The following CIMIP5 variants were observed in gnomAD, a reference collection of about 807,000 sequenced individuals.
The protein encoded by CIMIP5 is ciliary microtubule inner protein 5.
chr2:11,148,368 C>A, the CIMIP5 span, among the ~76,000 whole-genome samples: 1 of 152,128 alleles, frequency 6.6e-6, no homozygotes, highest in African/African-American at 2.4e-5. Context: ...CCACCTGCCT[C>A]GGCCTCCCAA....
the CIMIP5 span, chr2:11,143,783 T>A: frequency 1.4e-6 from 1 of 710,144 alleles, no homozygotes; most frequent in Middle Eastern, 3.5e-4. Flanking sequence ...TCTTGGGGGA[T>A]CCCAAGTCCA....
the CIMIP5 span, among the ~76,000 whole-genome samples, chr2:11,142,691 A>G: frequency 6.8e-6 from 1 of 147,564 alleles, no homozygotes; most frequent in Non-Finnish European, 1.5e-5. Flanking sequence ...GGAAGAGCTG[A>G]GGATGTTTTC....
chr2:11,140,402 T>G, the CIMIP5 span: 18 of 657,490 alleles, frequency 2.7e-5, no homozygotes, highest in Admixed American at 4.9e-4. Context: ...AAAAAAATTA[T>G]TTAGTTCTTC....
chr2:11,144,138 C>A, the CIMIP5 span: 1 of 1,534,532 alleles, frequency 6.5e-7, no homozygotes, highest in South Asian at 1.3e-5. Context: ...GCTGGCCTTC[C>A]CCAGGTGGGT....
At chr2:11,148,771 C>T in the CIMIP5 span, among the ~76,000 whole-genome samples, 1 of 125,786 alleles carries the variant, frequency 8.0e-6, no homozygotes. Context: ...GTCTCGCTCT[C>T]GTCCCCCAGG....
chr2:11,136,586 T>C, the CIMIP5 span, among the ~76,000 whole-genome samples: 10 of 152,274 alleles, frequency 6.6e-5, no homozygotes, highest in African/African-American at 1.9e-4. Flanking sequence ...GGATGAGGAC[T>C]GACTGCAAAT....
the CIMIP5 span, among the ~76,000 whole-genome samples, chr2:11,137,266 A>G: frequency 2.0e-5 from 3 of 152,100 alleles, no homozygotes; most frequent in Admixed American, 6.5e-5. Context: ...CCAGCTACTC[A>G]GGAGGCTGAC....
the CIMIP5 span, among the ~76,000 whole-genome samples, chr2:11,142,243 G>C: frequency 1.6e-5 from 2 of 128,008 alleles, no homozygotes; most frequent in Admixed American, 1.8e-4. Flanking sequence ...TCCAGCCTGG[G>C]CAACAAGAGC....
At chr2:11,146,395 A>G in the CIMIP5 span, 2 of 152,172 alleles carry the variant, frequency 1.3e-5, no homozygotes, top group African/African-American at 4.8e-5. Context: ...TTAATCCTCA[A>G]TGAATTGATT....
chr2:11,152,979 A>G, the CIMIP5 span, among the ~76,000 whole-genome samples: 1 of 152,162 alleles, frequency 6.6e-6, no homozygotes, highest in African/African-American at 2.4e-5. Flanking sequence ...TACGTTGAGC[A>G]CCTATTCTGT....
chr2:11,134,392 G>C, the CIMIP5 span, among the ~76,000 whole-genome samples: 1 of 152,166 alleles, frequency 6.6e-6, no homozygotes, highest in African/African-American at 2.4e-5. Context: ...GCATGATCTC[G>C]ATTACATTTT....
At chr2:11,137,192 G>A in the CIMIP5 span, among the ~76,000 whole-genome samples, 32 of 152,240 alleles carry the variant, frequency 2.1e-4, no homozygotes, top group African/African-American at 7.5e-4. Flanking sequence ...GGCCAACATG[G>A]TGAAACCCCA....
the CIMIP5 span, among the ~76,000 whole-genome samples, chr2:11,153,330 T>G: frequency 6.6e-6 from 1 of 152,130 alleles, no homozygotes; most frequent in African/African-American, 2.4e-5. Flanking sequence ...CTGGGGGCAC[T>G]CATACCTCTC....
chr2:11,147,655 AG>A, the CIMIP5 span, among the ~76,000 whole-genome samples: 1 of 152,172 alleles, frequency 6.6e-6, no homozygotes, highest in South Asian at 2.1e-4. Flanking sequence ...CAAGGGTGCA[AG>A]GGCCCAACAG....
At chr2:11,133,852 C>G in the CIMIP5 span, among the ~76,000 whole-genome samples, 1 of 152,132 alleles carries the variant, frequency 6.6e-6, no homozygotes, top group Non-Finnish European at 1.5e-5. Flanking sequence ...GCGACGCGGC[C>G]GGTAATCCCT....
At chr2:11,133,226 G>A in the CIMIP5 span, 31 of 1,348,198 alleles carry the variant, frequency 2.3e-5, no homozygotes, top group Non-Finnish European at 2.9e-5. Context: ...GGCTCTCCCG[G>A]GGTTAGGAGG....
At chr2:11,152,157 G>C in the CIMIP5 span, among the ~76,000 whole-genome samples, 1 of 152,254 alleles carries the variant, frequency 6.6e-6, no homozygotes, top group Non-Finnish European at 1.5e-5. Context: ...CTCAAGCACT[G>C]ATCTTAGGTT....
chr2:11,144,107 T>G, the CIMIP5 span: 8 of 1,581,868 alleles, frequency 5.1e-6, no homozygotes, highest in Non-Finnish European at 6.9e-6. Context: ...ATGCAGCCCA[T>G]CTAGGAGCAA....
the CIMIP5 span, among the ~76,000 whole-genome samples, chr2:11,141,745 G>T: frequency 2.6e-5 from 4 of 152,130 alleles, no homozygotes; most frequent in Admixed American, 6.5e-5. Flanking sequence ...AGGCTGAGGT[G>T]GGAGGATCAC....
Sources: gnomAD v4.1 joint callset for allele counts (sites outside exome capture counted in the v4.1 genomes callset) on GRCh38, gnomAD v4.1.1 for gene constraint, MANE v1.5 for transcripts, NCBI Gene and HGNC (gene_info 2026-07-23, HGNC 2026-07-21) for gene names.